The following ZNF208 variants were observed in gnomAD, a reference collection of about 807,000 sequenced individuals.
ZNF208 encodes the protein zinc finger protein 208, also known as zinc finger protein 95.
ZNF208 carries 10 observed loss-of-function variants against 12.1 expected under a neutral mutation model. That is an observed-to-expected ratio of 0.83 (90% CI 0.51 to 1.40). The LOEUF is 1.40. ZNF208 is among the 40% of genes most tolerant of loss of function. The pLI is 0.00. For missense variants in ZNF208, 1,652 were observed against 1,485.0 expected (o/e 1.11, Z -1.85); for synonymous variants, 497 against 488.4 (o/e 1.02, Z -0.23).
At chr19:21,996,403 A>G (rs908111600) in intron 1 of ZNF208, among the ~76,000 whole-genome samples, 12 of 152,212 alleles carry the variant, frequency 7.9e-5, no homozygotes, top group African/African-American at 2.9e-4. Flanking sequence ...TGTCCAGTGT[A>G]GAATTATTAG....
chr19:21,964,129 A>G (rs1212913860), downstream of ZNF208, among the ~76,000 whole-genome samples: 4 of 151,948 alleles, frequency 2.6e-5, no homozygotes, highest in Non-Finnish European at 5.9e-5. Flanking sequence ...TTACCAATCA[A>G]AAATACTACT....
chr19:21,957,631 C>T (rs1052616883), intron 4 of ZNF208, among the ~76,000 whole-genome samples: 1 of 152,086 alleles, frequency 6.6e-6, no homozygotes, highest in Non-Finnish European at 1.5e-5. Context: ...GGGTACAAAT[C>T]CATGGCTTGG....
intron 1 of ZNF208, among the ~76,000 whole-genome samples, chr19:22,003,117 G>C (rs1302468579): frequency 6.6e-6 from 1 of 152,022 alleles, no homozygotes; most frequent in African/African-American, 2.4e-5. Context: ...TTTAATAAAT[G>C]GTGCTAGAAT....
intron 4 of ZNF208, among the ~76,000 whole-genome samples, chr19:21,948,556 G>C (rs561718525): frequency 6.6e-6 from 1 of 152,214 alleles, no homozygotes; most frequent in East Asian, 1.9e-4. Flanking sequence ...CATAATTGCT[G>C]TTGCCCCTAC....
chr19:21,965,901 T>C (rs182223731), downstream of ZNF208: 27 of 151,928 alleles, frequency 1.8e-4, no homozygotes, highest in Admixed American at 1.6e-3. Context: ...ATAATAAAGG[T>C]GTAATTTGTT....
At chr19:21,990,185 C>T (rs916420226) in intron 1 of ZNF208, among the ~76,000 whole-genome samples, 5 of 151,956 alleles carry the variant, frequency 3.3e-5, no homozygotes, top group African/African-American at 9.7e-5. Context: ...TGGTAATGCC[C>T]AGGTTTTCTT....
At position 21,974,075 on chromosome 19, in the gene ZNF208, T is replaced by C. The variant is rs764752433; in HGVS notation, c.959A>G (p.Lys320Arg). Reference protein sequence around the residue: ...EKPYKCKECGKAFSKVSTLIT... With the variant: ...EKPYKCKECGRAFSKVSTLIT... ...AAGGGTTGAGACCTTACTGAAGGCTTTGCCACATTCTTTACATTTGTAGGG... is the reference window on the plus strand; with the variant it reads ...AAGGGTTGAGACCTTACTGAAGGCTCTGCCACATTCTTTACATTTGTAGGG... Residue 320 changes from lysine (K) to arginine (R), a missense_variant, in exon 4 of 4, where the codon AAA becomes AGA. Around this residue, in one of 3 missense-constraint regions of ZNF208, gnomAD observed 410 missense variants for 378.2 expected, o/e 1.08. Transcript: ENST00000397126. 6.6e-7 allele frequency: 1 copy of C among 1,523,374 alleles called. No homozygotes were observed. Among genetic ancestry groups the C allele is most frequent in the African/African-American group, 1.4e-5 (1 of 69,200 alleles). The allele number at this position is 1,523,374 out of a possible 1,614,324, so 94.4% of individuals were successfully genotyped here. A position where few individuals can be genotyped will look rare whatever the true frequency, so the allele number is the denominator to read the frequency against.
At chr19:21,990,991 T>G (rs1970723819) in intron 1 of ZNF208, among the ~76,000 whole-genome samples, 1 of 152,222 alleles carries the variant, frequency 6.6e-6, no homozygotes. Context: ...CTTATCAGCT[T>G]AAGGAGATTT....
intron 1 of ZNF208, among the ~76,000 whole-genome samples, chr19:21,994,949 C>CTTTCTTTTTTTTT (rs1555747868): frequency 2.6e-5 from 1 of 38,218 alleles, no homozygotes. Context: ...ATCTGTTTTT[C>CTTTCTTTTTTTTT]TTTTCTTTTT....
chr19:21,965,261 C>T (rs556443069), downstream of ZNF208, among the ~76,000 whole-genome samples: 4 of 152,098 alleles, frequency 2.6e-5, no homozygotes, highest in South Asian at 2.1e-4. Flanking sequence ...GTATCACTTT[C>T]GTTTTGTCAG....
At chr19:21,958,088 G>A (rs1245851572) in intron 4 of ZNF208, among the ~76,000 whole-genome samples, 3 of 151,362 alleles carry the variant, frequency 2.0e-5, no homozygotes, top group Non-Finnish European at 4.4e-5. Flanking sequence ...ATGCAGTTTG[G>A]TTTTTTGTTC....
At chr19:21,986,757 A>T (rs1208371314) in intron 3 of ZNF208, 1 of 324,590 alleles carries the variant, frequency 3.1e-6, no homozygotes, top group Admixed American at 4.9e-5. Flanking sequence ...ATATTTCAAG[A>T]CTACAGTAAT....
In ZNF208 at chr19:21,967,712, T is replaced by G. The variant is rs1970198506; in HGVS notation, c.*3479A>C. On this transcript the variant is annotated 3_prime_UTR_variant, in exon 4 of 4. Transcript: ENST00000397126. ...AGATTTATTCTTTTAGTCTGAAGTT[T>G]TCTTGGCTATTTGAGCTCTTTAATT... 6.6e-6 allele frequency: 1 copy of G among 152,122 alleles called. No homozygotes were observed. The highest frequency in any genetic ancestry group is 1.5e-5 in the Non-Finnish European group (1 of 67,996). The allele number at this position is 152,122 out of a possible 1,614,324, so 9.4% of individuals were successfully genotyped here. A position where few individuals can be genotyped will look rare whatever the true frequency, so the allele number is the denominator to read the frequency against.
chr19:21,953,695 C>G (rs1194741978), intron 4 of ZNF208, among the ~76,000 whole-genome samples: 1 of 152,220 alleles, frequency 6.6e-6, no homozygotes, highest in Non-Finnish European at 1.5e-5. Flanking sequence ...GTACCAGCCA[C>G]TGCAAAAACA....
chr19:21,967,194 C>T lies in ZNF208; in HGVS notation c.*3997G>A, dbSNP rs1326578912. On this transcript the variant is annotated 3_prime_UTR_variant, in exon 4 of 4. Coordinates refer to ENST00000397126, the MANE Select transcript of ZNF208 (RefSeq NM_007153.3). ...TTTTGTAGCTTGGAGACTCACAGATCAAGTCTTTAATCTATATTGAGTTGT... is the reference window on the plus strand; with the variant it reads ...TTTTGTAGCTTGGAGACTCACAGATTAAGTCTTTAATCTATATTGAGTTGT... The T allele has an allele frequency of 1.3e-5, 2 of 151,738 alleles. No individual in the cohort carries two copies. The highest frequency in any genetic ancestry group is 4.8e-5 in the African/African-American group (2 of 41,334). The allele number at this position is 151,738 out of a possible 1,614,324, so 9.4% of individuals were successfully genotyped here.
intron 4 of ZNF208, among the ~76,000 whole-genome samples, chr19:21,952,972 AAATGACCTGATGGAGCTGAAAACCATG>A (rs543074334): frequency 6.6e-6 from 1 of 152,236 alleles, no homozygotes; most frequent in Non-Finnish European, 1.5e-5. Flanking sequence ...AGAAGACCTT[AAATGACCTGATGGAGCTGAAAACCATG>A]GCATGAGAAC....
At chr19:21,993,031 G>T (rs1452729290) in intron 1 of ZNF208, among the ~76,000 whole-genome samples, 1 of 152,088 alleles carries the variant, frequency 6.6e-6, no homozygotes, top group Admixed American at 6.6e-5. Context: ...TTGAGAATAT[G>T]CCTTTAAAAG....
chr19:21,972,398 T>C lies in ZNF208; in HGVS notation c.2636A>G (p.His879Arg), dbSNP rs770627435. The part of the protein sequence containing the change: ...AYKWPSTLSY[H>R]KKIHTGEKPY... ...TTTCTCTCCAGTATGAATTTTCTTATGATAACTAAGGGTTGAGGGCCATTT... is the reference window on the plus strand; with the variant it reads ...TTTCTCTCCAGTATGAATTTTCTTACGATAACTAAGGGTTGAGGGCCATTT... The change falls in exon 4 of 4, where the codon CAT becomes CGT. Residue 879 changes from histidine (H) to arginine (R), a missense_variant. Transcript: ENST00000397126. The C allele has an allele frequency of 1.4e-5, 22 of 1,612,506 alleles. 1 individual carries two copies. The highest frequency in any genetic ancestry group is 1.9e-5 in the Non-Finnish European group (22 of 1,179,200).
Position 21,972,619 on chromosome 19 carries a change from G to T in ZNF208, c.2415C>A (p.Tyr805Ter). Residue 805 changes from tyrosine (Y) to a stop codon, truncating the protein, a stop_gained, in exon 4 of 4, where the codon TAC becomes TAA. Transcript: ENST00000397126. LOFTEE classifies it low-confidence loss of function (END_TRUNC). Reference protein sequence around the residue: ...HKRIHTDEKPYKCEECGKTFS... With the variant: ...HKRIHTDEKP ...AGGTTTTGCCACATTCTTCACATTT[G>T]TAGGGTTTCTCATCAGTATGAATTC... The T allele has an allele frequency of 5.6e-6, 9 of 1,613,398 alleles. No individual in the cohort carries two copies. Among genetic ancestry groups the T allele is most frequent in the Non-Finnish European group, 7.6e-6 (9 of 1,179,886 alleles).
Sources: gnomAD v4.1 joint callset for allele counts (sites outside exome capture counted in the v4.1 genomes callset) on GRCh38, gnomAD v4.1.1 for gene constraint, gnomAD v4.1.1 regional missense constraint, MANE v1.5 for transcripts, NCBI Gene and HGNC (gene_info 2026-07-23, HGNC 2026-07-21) for gene names.